Variants in RNF217 observed in about 807,000 individuals in gnomAD.
RNF217 encodes ring finger protein 217.
RNF217 carries 31 observed loss-of-function variants against 57.8 expected under a neutral mutation model. That is an observed-to-expected ratio of 0.54 (90% CI 0.40 to 0.72). The LOEUF is 0.72. Ranked by LOEUF, RNF217 falls within the 30% of genes least tolerant of loss-of-function variation. The pLI, the probability that RNF217 is intolerant of heterozygous loss-of-function variation, is 0.00. For synonymous variants in RNF217, 313 were observed against 294.0 expected (o/e 1.06, Z -0.66); for missense variants, 696 against 708.3 (o/e 0.98, Z 0.20).
intron 1 of RNF217, among the ~76,000 whole-genome samples, chr6:125,020,468 G>A (rs1203483331): frequency 1.3e-5 from 2 of 152,174 alleles, no homozygotes; most frequent in East Asian, 3.8e-4. Context: ...TATCATGCAG[G>A]TCTTTCTCAG....
chr6:124,964,497 A>C (rs1056580576), intron 1 of RNF217, among the ~76,000 whole-genome samples: 1 of 152,108 alleles, frequency 6.6e-6, no homozygotes, highest in Non-Finnish European at 1.5e-5. Flanking sequence ...TAGTGTTTTT[A>C]ATAACATTGG....
intron 2 of RNF217, among the ~76,000 whole-genome samples, chr6:125,057,562 A>G (rs143152789): frequency 7.5e-4 from 114 of 152,294 alleles, no homozygotes; most frequent in Non-Finnish European, 1.3e-3. Context: ...TAAGAAGACA[A>G]TGGAAATGGC....
At chr6:125,009,775 G>A (rs9321013) in intron 1 of RNF217, among the ~76,000 whole-genome samples, 38,909 of 151,932 alleles carry the variant, frequency 0.26, 5,540 homozygotes, top group East Asian at 0.43. Context: ...GTGCACATTC[G>A]TTGGGAGAAC....
At chr6:125,078,958 G>T (rs1788473395) in intron 4 of RNF217, among the ~76,000 whole-genome samples, 1 of 152,194 alleles carries the variant, frequency 6.6e-6, no homozygotes, top group Non-Finnish European at 1.5e-5. Flanking sequence ...TCAGAGAGAA[G>T]ATGGAGTATA....
intron 1 of RNF217, among the ~76,000 whole-genome samples, chr6:125,003,044 C>A (rs1785048200): frequency 6.6e-6 from 1 of 151,938 alleles, no homozygotes; most frequent in Non-Finnish European, 1.5e-5. Flanking sequence ...ATAGTGGTAG[C>A]CAAAGATTAA....
intron 1 of RNF217, among the ~76,000 whole-genome samples, chr6:125,020,264 C>A (rs1461880101): frequency 6.6e-6 from 1 of 152,178 alleles, no homozygotes; most frequent in Non-Finnish European, 1.5e-5. Context: ...GGGCAGGGTC[C>A]TGGTGTTCCC....
chr6:125,042,447 T>C (rs1056100444), intron 1 of RNF217, among the ~76,000 whole-genome samples: 1 of 152,094 alleles, frequency 6.6e-6, no homozygotes, highest in African/African-American at 2.4e-5. Context: ...TGCATCTGAT[T>C]GCCTCTATGT....
rs529070461 is a variant in RNF217, at chr6:125,086,849, C to T, written c.*3912C>T. The T allele has an allele frequency of 6.6e-6, 1 of 152,070 alleles. No homozygotes were observed. Among genetic ancestry groups the T allele is most frequent in the South Asian group, 2.1e-4 (1 of 4,812 alleles). 9.4% of individuals were successfully genotyped at this position (152,070 alleles called of 1,614,324 possible). A position where few individuals can be genotyped will look rare whatever the true frequency, so the allele number is the denominator to read the frequency against. The stretch of plus-strand genomic sequence containing the variant: ...TTCAGTGGTGCTTGTCAGAAAATAC[C>T]TTGTTCTGTGACTCTGACTATCTCT... On this transcript the variant is annotated 3_prime_UTR_variant, in exon 6 of 6. Coordinates refer to ENST00000521654, the MANE Select transcript of RNF217 (RefSeq NM_001286398.3).
At position 125,088,143 on chromosome 6, in the gene RNF217, A is replaced by T. The variant is rs1788827301; in HGVS notation, c.*5206A>T. The T allele has an allele frequency of 6.7e-6, 1 of 150,274 alleles. No homozygotes were observed. The highest frequency in any genetic ancestry group is 1.5e-5 in the Non-Finnish European group (1 of 67,816). 9.3% of individuals were successfully genotyped at this position (150,274 alleles called of 1,614,324 possible). On this transcript the variant is annotated 3_prime_UTR_variant, in exon 6 of 6. Coordinates refer to ENST00000521654, the MANE Select transcript of RNF217 (RefSeq NM_001286398.3). ...TAGCTGGGATTACAAGCACGTGCCTACTATGCCTGTCTTCAAAATCACATT... is the reference window on the plus strand; with the variant it reads ...TAGCTGGGATTACAAGCACGTGCCTTCTATGCCTGTCTTCAAAATCACATT...
intron 1 of RNF217, among the ~76,000 whole-genome samples, chr6:125,043,913 C>G (rs1786985416): frequency 6.6e-6 from 1 of 152,062 alleles, no homozygotes; most frequent in Admixed American, 6.6e-5. Context: ...AAGCCACCCT[C>G]TTTCATTTTG....
chr6:125,028,859 G>A (rs1452326963), intron 1 of RNF217, among the ~76,000 whole-genome samples: 1 of 151,676 alleles, frequency 6.6e-6, no homozygotes, highest in Non-Finnish European at 1.5e-5. Context: ...GTCTTCTGAT[G>A]TGCTGTCTTA....
At chr6:125,030,248 G>C (rs1237423007) in intron 1 of RNF217, among the ~76,000 whole-genome samples, 1 of 152,108 alleles carries the variant, frequency 6.6e-6, no homozygotes, top group South Asian at 2.1e-4. Flanking sequence ...AGATTTCAGT[G>C]GGGGCACAGC....
At chr6:124,998,043 C>G (rs1784816881) in intron 1 of RNF217, among the ~76,000 whole-genome samples, 1 of 152,100 alleles carries the variant, frequency 6.6e-6, no homozygotes, top group Non-Finnish European at 1.5e-5. Context: ...CCTCAGATGC[C>G]TCAGATTATA....
chr6:125,048,085 A>T, intron 2 of RNF217: 1 of 659,434 alleles, frequency 1.5e-6, no homozygotes, highest in Non-Finnish European at 2.3e-6. Context: ...TTTCATCATT[A>T]AACTCTGTGG....
At chr6:124,987,578 C>T (rs1784407406) in intron 1 of RNF217, among the ~76,000 whole-genome samples, 1 of 152,086 alleles carries the variant, frequency 6.6e-6, no homozygotes, top group Non-Finnish European at 1.5e-5. Flanking sequence ...AAATTGAGCT[C>T]AGAAAATGTG....
rs182859274 is a variant in RNF217 at position 124,968,738 on chromosome 6, T to G, written c.882+5312T>G. Reference sequence around the variant, plus strand: ...AGTGTGATTTTTCCCTCCTAGAGCTTTTATACCTGAAGGCTCTTCCTTAAC... The same window carrying G: ...AGTGTGATTTTTCCCTCCTAGAGCTGTTATACCTGAAGGCTCTTCCTTAAC... On this transcript the variant is annotated intron_variant, in intron 1 of 5. Transcript: ENST00000521654. 2.3e-3 allele frequency among the ~76,000 whole-genome samples: 353 copies of G among 152,318 alleles called. 2 individuals carry two copies. Among genetic ancestry groups the G allele is most frequent in the African/African-American group, 8.0e-3 (333 of 41,574 alleles).
At chr6:125,076,214 A>C (rs1006737371) in intron 3 of RNF217, among the ~76,000 whole-genome samples, 2 of 152,182 alleles carry the variant, frequency 1.3e-5, no homozygotes, top group Non-Finnish European at 2.9e-5. Flanking sequence ...TTTGGTATTT[A>C]TTCACAAAAA....
chr6:124,974,432 T>C (rs1783882332), intron 1 of RNF217, among the ~76,000 whole-genome samples: 3 of 152,204 alleles, frequency 2.0e-5, no homozygotes, highest in African/African-American at 7.2e-5. Flanking sequence ...TAATACAGAT[T>C]CATGTAGTTT....
intron 1 of RNF217, among the ~76,000 whole-genome samples, chr6:125,010,958 G>C (rs983149463): frequency 6.6e-6 from 1 of 152,144 alleles, no homozygotes; most frequent in African/African-American, 2.4e-5. Flanking sequence ...GTTGAATTCA[G>C]TTATAACCTG....
Sources: allele counts gnomAD v4.1 joint callset (sites outside exome capture counted in the v4.1 genomes callset), GRCh38; gene constraint gnomAD v4.1.1; transcripts MANE v1.5; gene names NCBI Gene and HGNC (gene_info 2026-07-23, HGNC 2026-07-21).